The following TNN variants were observed in gnomAD, a reference collection of about 807,000 sequenced individuals.
TNN encodes the protein tenascin N.
In TNN, 122 loss-of-function variants were observed where a neutral mutation model predicts 134.4. The observed-to-expected ratio is 0.91, with a 90% CI of 0.78 to 1.06. TNN has a LOEUF of 1.06. Among genes scored for constraint, TNN ranks in the 50% least tolerant of loss-of-function variants. TNN has a pLI of 0.00. For missense variants in TNN, 1,739 were observed against 1,699.4 expected (o/e 1.02, Z -0.41); for synonymous variants, 710 against 670.3 (o/e 1.06, Z -0.91).
At chr1:175,077,272 G>A (rs1674062060) in intron 1 of TNN, 112 bp from the exon 2 acceptor site, 4 of 826,220 alleles carry the variant, frequency 4.8e-6, no homozygotes, top group South Asian at 1.7e-5. Flanking sequence ...AATAGAATGA[G>A]TTCTTTCTGC....
intron 9 of TNN, among the ~76,000 whole-genome samples, chr1:175,115,549 G>T (rs147893527): frequency 6.6e-6 from 1 of 152,136 alleles, no homozygotes; most frequent in African/African-American, 2.4e-5. Context: ...TCACAGCTCC[G>T]CTTGGAGATG....
intron 4 of TNN, among the ~76,000 whole-genome samples, chr1:175,082,420 C>T (rs1229694735): frequency 1.3e-5 from 2 of 152,184 alleles, no homozygotes; most frequent in Admixed American, 6.5e-5. Flanking sequence ...TAAGTCCTTG[C>T]TTTTTCATTT....
At chr1:175,075,245 A>C (rs553552688) in intron 1 of TNN, among the ~76,000 whole-genome samples, 1 of 152,324 alleles carries the variant, frequency 6.6e-6, no homozygotes, top group Admixed American at 6.5e-5. Context: ...TAGTGGCTAG[A>C]AATATTTCTT....
rs970068809 is a variant in TNN, at chr1:175,136,756, C to T, written c.3428-65C>T. 4.7e-6 allele frequency: 7 copies of T among 1,496,454 alleles called. No homozygotes were observed. The African/African-American group carries it at 5.5e-5, about 12-fold the overall frequency. 92.7% of individuals were successfully genotyped at this position (1,496,454 alleles called of 1,614,324 possible). ...TTAGGTTCTGAAAGCCTCAGACACA[C>T]ATGTTGAGTGCTTACTCGCACACAT... On this transcript the variant is annotated intron_variant, in intron 16 of 18. Coordinates refer to ENST00000239462, the MANE Select transcript of TNN (RefSeq NM_022093.2).
chr1:175,112,565 T>C (rs1417851119), intron 9 of TNN, among the ~76,000 whole-genome samples: 1 of 147,618 alleles, frequency 6.8e-6, no homozygotes, highest in African/African-American at 2.5e-5. Flanking sequence ...CATAAGTGGG[T>C]CATTTTTTTA....
At chr1:175,086,312 A>T (rs1674323456) in intron 6 of TNN, among the ~76,000 whole-genome samples, 1 of 152,236 alleles carries the variant, frequency 6.6e-6, no homozygotes, top group Admixed American at 6.5e-5. Context: ...AAAGGTTACA[A>T]ATCAGTCATA....
intron 9 of TNN, among the ~76,000 whole-genome samples, chr1:175,106,922 G>A (rs1326152921): frequency 6.9e-6 from 1 of 145,978 alleles, no homozygotes; most frequent in Admixed American, 6.9e-5. Flanking sequence ...CGGCCCGCTA[G>A]TCACTTTTAA....
intron 9 of TNN, among the ~76,000 whole-genome samples, chr1:175,109,321 C>T (rs1674959090): frequency 6.7e-6 from 1 of 150,230 alleles, no homozygotes; most frequent in Non-Finnish European, 1.5e-5. Context: ...ATCTCCTGAC[C>T]TCATGATGCA....
At chr1:175,077,944 C>A in intron 2 of TNN, 117 bp downstream of exon 2, 1 of 1,087,748 alleles carries the variant, frequency 9.2e-7, no homozygotes, top group Non-Finnish European at 1.3e-6. Flanking sequence ...ACTTCTCATT[C>A]TGGGTTTTCT....
At chr1:175,071,248 G>T (rs1385287636) in intron 1 of TNN, among the ~76,000 whole-genome samples, 1 of 152,132 alleles carries the variant, frequency 6.6e-6, no homozygotes, top group African/African-American at 2.4e-5. Flanking sequence ...TCTCTTCTTT[G>T]GCGTAAGTAG....
chr1:175,128,702 C>T lies in TNN; in HGVS notation c.3286C>T (p.Leu1096=). The T allele has an allele frequency of 6.2e-7, 1 of 1,614,048 alleles. No homozygotes were observed. Among genetic ancestry groups the T allele is most frequent in the Non-Finnish European group, 8.5e-7 (1 of 1,179,954 alleles). ...IYLHGDASRP[L]QVYCDMETDG... ...CCTGCATGGCGATGCCAGCCGGCCC[C>T]TGCAGGTGTACTGTGACATGGAAAC... Residue 1096 remains leucine (L), a synonymous_variant, in exon 15 of 19, where the codon CTG becomes TTG. Transcript: ENST00000239462.
intron 12 of TNN, among the ~76,000 whole-genome samples, chr1:175,125,516 ATCCCTTCTCTT>A (rs557513644): frequency 1.6e-3 from 246 of 151,312 alleles, no homozygotes; most frequent in Admixed American, 0.015. Context: ...CTTTTCCTAT[ATCCCTTCTCTT>A]TCCCTCTTCC....
intron 17 of TNN, among the ~76,000 whole-genome samples, chr1:175,142,933 A>C (rs979366605): frequency 6.6e-6 from 1 of 152,132 alleles, no homozygotes; most frequent in Non-Finnish European, 1.5e-5. Flanking sequence ...ATTTCTAACA[A>C]GTTCTCAGGG....
intron 15 of TNN, among the ~76,000 whole-genome samples, chr1:175,129,702 CA>C (rs1380451279): frequency 6.6e-6 from 1 of 152,036 alleles, no homozygotes; most frequent in East Asian, 1.9e-4. Context: ...TGGCCTAAGT[CA>C]TACAAGAATG....
At chr1:175,104,046 T>C (rs1370064823) in intron 9 of TNN, among the ~76,000 whole-genome samples, 1 of 145,830 alleles carries the variant, frequency 6.9e-6, no homozygotes, top group Non-Finnish European at 1.5e-5. Context: ...TTGGCTAATA[T>C]ATCCCTCCCT....
intron 1 of TNN, among the ~76,000 whole-genome samples, chr1:175,074,941 A>G (rs1489807413): frequency 6.6e-6 from 1 of 152,234 alleles, no homozygotes; most frequent in Non-Finnish European, 1.5e-5. Context: ...TTGTTGGGCA[A>G]CCCTGGCAAA....
At chr1:175,097,723 C>T in intron 8 of TNN, 40 bp downstream of exon 8, 1 of 1,612,048 alleles carries the variant, frequency 6.2e-7, no homozygotes, top group African/African-American at 1.3e-5. Flanking sequence ...TGAGTTTTAG[C>T]TTGTGGATTT....
chr1:175,128,457 G>A (rs1675586704), intron 14 of TNN, 138 bp from the exon 15 acceptor site: 3 of 1,101,952 alleles, frequency 2.7e-6, no homozygotes, highest in South Asian at 1.6e-5. Context: ...TAAGATATGA[G>A]TGAAGAGTTG....
At chr1:175,070,992 C>T (rs939231894) in intron 1 of TNN, among the ~76,000 whole-genome samples, 3 of 152,204 alleles carry the variant, frequency 2.0e-5, no homozygotes, top group Non-Finnish European at 4.4e-5. Flanking sequence ...ATTGATGCAT[C>T]CCTAGCCACT....
Sources: allele counts gnomAD v4.1 joint callset (sites outside exome capture counted in the v4.1 genomes callset), GRCh38; gene constraint gnomAD v4.1.1; transcripts MANE v1.5; gene names NCBI Gene and HGNC (gene_info 2026-07-23, HGNC 2026-07-21).